ABLIM1: variants seen among roughly 807,000 people sequenced by gnomAD.
The protein encoded by ABLIM1 is actin binding LIM protein 1, also known as actin-binding LIM protein 1.
Under a neutral mutation model 107.0 loss-of-function variants are expected in ABLIM1, and 40 were observed. That is an observed-to-expected ratio of 0.37 (90% CI 0.29 to 0.49). ABLIM1 has a LOEUF of 0.49. Among genes scored for constraint, ABLIM1 ranks in the 20% least tolerant of loss-of-function variants. The probability of loss-of-function intolerance (pLI) is 0.97; values close to 1 mark genes in which losing one functional copy is unlikely to be tolerated. For synonymous variants in ABLIM1, 357 were observed against 357.3 expected (o/e 1.00, Z 0.01); for missense variants, 857 against 1,008.5 (o/e 0.85, Z 2.04).
At chr10:114,734,823 A>C (rs561608803) in intron 1 of ABLIM1, among the ~76,000 whole-genome samples, 12 of 152,332 alleles carry the variant, frequency 7.9e-5, no homozygotes, top group African/African-American at 2.9e-4. Context: ...TGCCCAACAG[A>C]ATGCCCTTCA....
At chr10:114,625,517 C>T (rs1457361482) in intron 1 of ABLIM1, among the ~76,000 whole-genome samples, 1 of 152,172 alleles carries the variant, frequency 6.6e-6, no homozygotes, top group Non-Finnish European at 1.5e-5. Context: ...CAGGTAACAA[C>T]TGTTGTTTAT....
At chr10:114,759,656 G>A (rs933546973) in intron 1 of ABLIM1, among the ~76,000 whole-genome samples, 1 of 152,154 alleles carries the variant, frequency 6.6e-6, no homozygotes, top group African/African-American at 2.4e-5. Flanking sequence ...GGCAGCCTAA[G>A]ATTTAAGTTT....
chr10:114,527,089 G>A (rs1565831515), intron 6 of ABLIM1, among the ~76,000 whole-genome samples: 1 of 152,186 alleles, frequency 6.6e-6, no homozygotes, highest in Non-Finnish European at 1.5e-5. Flanking sequence ...AACCGACAGT[G>A]ATTGTCCCTG....
chr10:114,730,685 C>T (rs2082054845), intron 1 of ABLIM1, among the ~76,000 whole-genome samples: 1 of 152,132 alleles, frequency 6.6e-6, no homozygotes, highest in Non-Finnish European at 1.5e-5. Context: ...TACATATCAA[C>T]TCACCCTTTT....
intron 4 of ABLIM1, among the ~76,000 whole-genome samples, chr10:114,564,285 G>A (rs2070312098): frequency 6.6e-6 from 1 of 151,936 alleles, no homozygotes; most frequent in African/African-American, 2.4e-5. Flanking sequence ...TGTTTTTTGA[G>A]ACAAAGTCTT....
chr10:114,543,203 A>C (rs1048405278), intron 6 of ABLIM1, among the ~76,000 whole-genome samples: 2 of 152,198 alleles, frequency 1.3e-5, no homozygotes, highest in Admixed American at 1.3e-4. Context: ...AAAGTGAACA[A>C]TTCAGTGGCA....
chr10:114,485,046 C>A (rs916123376), intron 8 of ABLIM1, among the ~76,000 whole-genome samples: 16 of 152,248 alleles, frequency 1.1e-4, no homozygotes, highest in African/African-American at 3.6e-4. Flanking sequence ...CGTGGCAACA[C>A]GGGACCAAAA....
intron 1 of ABLIM1, among the ~76,000 whole-genome samples, chr10:114,612,917 A>G (rs2076907041): frequency 6.6e-6 from 1 of 152,198 alleles, no homozygotes; most frequent in Non-Finnish European, 1.5e-5. Flanking sequence ...TCTACTCTCT[A>G]ATTCCAATTC....
chr10:114,692,309 G>A (rs1012116851), intron 1 of ABLIM1, among the ~76,000 whole-genome samples: 1 of 152,164 alleles, frequency 6.6e-6, no homozygotes, highest in African/African-American at 2.4e-5. Flanking sequence ...GACTTTCAAA[G>A]ATTTCAAAGA....
intron 6 of ABLIM1, among the ~76,000 whole-genome samples, chr10:114,518,386 T>C (rs564337031): frequency 1.4e-4 from 21 of 152,016 alleles, no homozygotes; most frequent in African/African-American, 4.1e-4. Context: ...CTGAACCACA[T>C]GCAATGGGCC....
At chr10:114,559,438 CAAAAAAAA>C (rs72456292) in intron 4 of ABLIM1, among the ~76,000 whole-genome samples, 1 of 49,364 alleles carries the variant, frequency 2.0e-5, no homozygotes, top group South Asian at 1.1e-3. Flanking sequence ...ACTCGTCTCT[CAAAAAAAA>C]AAAAAAAAAA....
chr10:114,575,014 GAC>G (rs1470603496), intron 3 of ABLIM1, among the ~76,000 whole-genome samples: 1 of 152,122 alleles, frequency 6.6e-6, no homozygotes, highest in African/African-American at 2.4e-5. Flanking sequence ...CAGCCCATGG[GAC>G]ACAGTTTGCC....
At chr10:114,596,692 G>C (rs2075446302) in intron 2 of ABLIM1, among the ~76,000 whole-genome samples, 1 of 152,312 alleles carries the variant, frequency 6.6e-6, no homozygotes, top group African/African-American at 2.4e-5. Context: ...CTAAGTTTGT[G>C]CTATCAACTC....
intron 14 of ABLIM1, among the ~76,000 whole-genome samples, chr10:114,451,362 T>C (rs1010751545): frequency 5.9e-5 from 9 of 152,238 alleles, no homozygotes; most frequent in African/African-American, 2.2e-4. Flanking sequence ...TGACCAGTAC[T>C]TCCCCTTCTC....
chr10:114,566,142 T>C (rs189686198), intron 4 of ABLIM1, among the ~76,000 whole-genome samples: 21 of 152,286 alleles, frequency 1.4e-4, no homozygotes, highest in African/African-American at 4.3e-4. Flanking sequence ...TTGATACCTG[T>C]AGGAGTTCCA....
intron 1 of ABLIM1, among the ~76,000 whole-genome samples, chr10:114,608,440 C>T (rs558920112): frequency 5.1e-4 from 78 of 152,242 alleles, no homozygotes; most frequent in African/African-American, 1.7e-3. Flanking sequence ...GAGGCCGAGG[C>T]GGGCGGATCA....
chr10:114,504,255 C>T (rs76876759), intron 6 of ABLIM1, among the ~76,000 whole-genome samples: 7 of 152,156 alleles, frequency 4.6e-5, no homozygotes, highest in Non-Finnish European at 8.8e-5. Context: ...AGTATGTTCA[C>T]ATTTAATCCA....
chr10:114,743,087 G>A (rs534815174), intron 1 of ABLIM1, among the ~76,000 whole-genome samples: 3 of 152,086 alleles, frequency 2.0e-5, no homozygotes, highest in East Asian at 1.9e-4. Context: ...AGTAGTATAC[G>A]TTTAAAATTA....
chr10:114,586,977 C>T (rs181664981), intron 2 of ABLIM1, among the ~76,000 whole-genome samples: 2 of 152,294 alleles, frequency 1.3e-5, no homozygotes, highest in East Asian at 3.9e-4. Flanking sequence ...CAACTGCCTA[C>T]CCCCATCTTC....
Sources: allele counts gnomAD v4.1 joint callset (sites outside exome capture counted in the v4.1 genomes callset), GRCh38; gene constraint gnomAD v4.1.1; transcripts MANE v1.5; gene names NCBI Gene and HGNC (gene_info 2026-07-23, HGNC 2026-07-21).